The following ACSS2 variants were observed in gnomAD, a reference collection of about 807,000 sequenced individuals.
ACSS2 encodes acyl-CoA synthetase short chain family member 2.
A neutral mutation model predicts 90.6 loss-of-function variants in ACSS2; 58 were observed. The ratio of observed to expected loss-of-function variants is 0.64; its 90% CI spans 0.52 to 0.80. The LOEUF is 0.80. Ranked by LOEUF, ACSS2 falls within the 30% of genes least tolerant of loss-of-function variation. The pLI, the probability that ACSS2 is intolerant of heterozygous loss-of-function variation, is 0.00. For missense variants in ACSS2, 759 were observed against 912.0 expected, an observed-to-expected ratio of 0.83 and a Z score of 2.16; for synonymous variants, 300 against 330.9, an observed-to-expected ratio of 0.91 and a Z score of 1.01.
intron 2 of ACSS2, among the ~76,000 whole-genome samples, chr20:34,905,828 C>G (rs939246614): frequency 1.3e-5 from 2 of 152,176 alleles, no homozygotes; most frequent in African/African-American, 4.8e-5. Flanking sequence ...TTATCTTTAT[C>G]ATATATTTTC....
At chr20:34,925,812 T>C in intron 15 of ACSS2, 46 bp downstream of exon 15, 1 of 1,590,710 alleles carries the variant, frequency 6.3e-7, no homozygotes, top group Non-Finnish European at 8.6e-7. Context: ...TCTGCTCCTC[T>C]GACAACACCC....
intron 2 of ACSS2, among the ~76,000 whole-genome samples, chr20:34,901,708 C>G (rs189644979): frequency 1.3e-5 from 2 of 152,268 alleles, no homozygotes; most frequent in East Asian, 3.9e-4. Context: ...TCATCTCAAA[C>G]TTCAATAACC....
Position 34,921,595 on chromosome 20 carries a change from T to C in ACSS2, c.1462T>C (p.Ser488Pro). The C allele has an allele frequency of 6.2e-7, 1 of 1,614,192 alleles. No homozygotes were observed. Among genetic ancestry groups the C allele is most frequent in the East Asian group, 2.2e-5 (1 of 44,874 alleles). Residue 488 changes from serine to proline, a missense_variant, in exon 12 of 18, where the codon TCT becomes CCT. Coordinates refer to ENST00000360596, the MANE Select transcript of ACSS2 (RefSeq NM_018677.4). ...TGGTGCCACACCCATGAAACCCGGT[T>C]CTGCTGTGAGTGATGCTTCCCTGGC... ...LPGATPMKPG[S>P]ATFPFFGVAP...
chr20:34,882,031 T>G (rs1429991701), intron 1 of ACSS2, among the ~76,000 whole-genome samples: 1 of 152,206 alleles, frequency 6.6e-6, no homozygotes, highest in Non-Finnish European at 1.5e-5. Context: ...AAAAATTTAC[T>G]TTCTAGTTAG....
intron 4 of ACSS2, 57 bp downstream of exon 4, chr20:34,913,553 A>G: frequency 6.5e-7 from 1 of 1,532,948 alleles, no homozygotes; most frequent in Non-Finnish European, 9.0e-7. Flanking sequence ...CTGGAGAAGT[A>G]GGTTGGGCCT....
chr20:34,899,403 C>CTTCT (rs758433349), intron 2 of ACSS2, among the ~76,000 whole-genome samples: 35 of 64,460 alleles, frequency 5.4e-4, no homozygotes, highest in South Asian at 1.5e-3. Flanking sequence ...TCTTTCTTTC[C>CTTCT]TTCTTTCTTT....
chr20:34,876,499 G>A (rs1352144119), upstream of ACSS2: 5 of 974,586 alleles, frequency 5.1e-6, no homozygotes, highest in Non-Finnish European at 5.4e-6. Context: ...GCCCCCTCTG[G>A]CACCGCCCAC....
At chr20:34,875,374 G>A (rs1205525889), upstream of ACSS2, among the ~76,000 whole-genome samples, 1 of 152,188 alleles carries the variant, frequency 6.6e-6, no homozygotes, top group Non-Finnish European at 1.5e-5. Context: ...TTCAAGACCA[G>A]CCTGGACAAC....
chr20:34,914,606 C>T (rs975595103), intron 7 of ACSS2, among the ~76,000 whole-genome samples, 169 bp downstream of exon 7: 2 of 152,178 alleles, frequency 1.3e-5, no homozygotes, highest in Non-Finnish European at 1.5e-5. Context: ...AAGACTTTGA[C>T]CTTGACTGTG....
At chr20:34,914,596 A>G (rs1423266603) in intron 7 of ACSS2, among the ~76,000 whole-genome samples, 159 bp downstream of exon 7, 6 of 152,172 alleles carry the variant, frequency 3.9e-5, no homozygotes, top group Admixed American at 3.9e-4. Flanking sequence ...TGGGAACTGG[A>G]AGACTTTGAC....
chr20:34,927,160 TGAC>T lies in ACSS2; in HGVS notation c.2053_2055del (p.Asp685del). The T allele has an allele frequency of 6.2e-7, 1 of 1,614,192 alleles. No individual in the cohort carries two copies. The highest frequency in any genetic ancestry group is 8.5e-7 in the Non-Finnish European group (1 of 1,180,030). ...ACCTCGGGGACATGTCTACTGTGGC[TGAC>T]CCATCTGTCATCAGTCACCTCTTCA... On this transcript the variant is annotated inframe_deletion, in exon 18 of 18. Coordinates refer to ENST00000360596, the MANE Select transcript of ACSS2 (RefSeq NM_018677.4). This position sits in a 1 kb window ranked among gnomAD's most constrained non-coding sequence, Gnocchi z 4.2.
intron 2 of ACSS2, among the ~76,000 whole-genome samples, chr20:34,911,440 G>C (rs2080956634): frequency 6.6e-6 from 1 of 151,700 alleles, no homozygotes; most frequent in African/African-American, 2.4e-5. Flanking sequence ...CACCTGCCTC[G>C]GCCTCCCAAA....
At chr20:34,883,452 A>C (rs976572181) in intron 2 of ACSS2, among the ~76,000 whole-genome samples, 2 of 152,210 alleles carry the variant, frequency 1.3e-5, no homozygotes, top group Admixed American at 6.5e-5. Context: ...CTCATTTTAC[A>C]TAGGTGAAAA....
At chr20:34,893,455 C>T (rs1001531638) in intron 2 of ACSS2, 25 of 152,202 alleles carry the variant, frequency 1.6e-4, no homozygotes, top group African/African-American at 6.0e-4. Context: ...TCGCTGTAAC[C>T]TCTGCCTCCT....
rs1377943605 is a variant in ACSS2 at position 34,913,952 on chromosome 20, C to T, written c.643+127C>T. On this transcript the variant is annotated intron_variant, in intron 5 of 17. Transcript: ENST00000360596. ...GACTGCCTGCCTTTTCTCTCCTGGT[C>T]CCACCTCAGCTGACCCTCTGTCAGC... 34 of 1,348,696 alleles carry T rather than the reference C, an allele frequency of 2.5e-5. No homozygotes were observed. In the South Asian group the frequency reaches 3.6e-4, roughly 14 times the overall value. The allele number at this position is 1,348,696 out of a possible 1,614,324, so 83.5% of individuals were successfully genotyped here. A position where few individuals can be genotyped will look rare whatever the true frequency, so the allele number is the denominator to read the frequency against.
intron 6 of ACSS2, 67 bp downstream of exon 6, chr20:34,914,238 C>G (rs779220518): frequency 1.9e-6 from 3 of 1,605,836 alleles, no homozygotes; most frequent in Non-Finnish European, 2.6e-6. Context: ...CCTTTGTCCC[C>G]TCTACCCTAA....
chr20:34,887,782 C>T lies in ACSS2; in HGVS notation c.374+4793C>T, dbSNP rs142009928. 4.7e-3 allele frequency among the ~76,000 whole-genome samples: 715 copies of T among 151,336 alleles called. 9 individuals are homozygous for T. The highest frequency in any genetic ancestry group is 4.5e-3 in the Non-Finnish European group (307 of 67,806). On this transcript the variant is annotated intron_variant, in intron 2 of 17. Coordinates refer to ENST00000360596, the MANE Select transcript of ACSS2 (RefSeq NM_018677.4). ...CAAAACAAATAGATCTACATAAAAA[C>T]AGCCTGGGCCAGGCATAGTGGCTCA...
chr20:34,910,019 ATTTTTTT>A (rs11482260), intron 2 of ACSS2, among the ~76,000 whole-genome samples: 1 of 138,034 alleles, frequency 7.2e-6, no homozygotes, highest in South Asian at 2.3e-4. Flanking sequence ...GCCTGGCCAA[ATTTTTTT>A]TTTTTTTTTT....
chr20:34,925,657 C>T, intron 14 of ACSS2, 41 bp from the exon 15 acceptor site: 1 of 1,586,234 alleles, frequency 6.3e-7, no homozygotes, highest in African/African-American at 1.3e-5. Flanking sequence ...AGGTATCCTA[C>T]CGTAGGGTTT....
Sources: gnomAD v4.1 joint callset for allele counts (sites outside exome capture counted in the v4.1 genomes callset) on GRCh38, gnomAD v4.1.1 for gene constraint, Gnocchi (gnomAD v3.1) non-coding constraint, MANE v1.5 for transcripts, NCBI Gene and HGNC (gene_info 2026-07-23, HGNC 2026-07-21) for gene names.